Variants in EFNA5 observed in about 807,000 individuals in gnomAD.
EFNA5 encodes the protein ephrin A5.
EFNA5 carries 5 observed loss-of-function variants against 22.9 expected under a neutral mutation model. That is an observed-to-expected ratio of 0.22 (90% CI 0.11 to 0.46). The LOEUF (loss-of-function observed/expected upper bound fraction) is 0.46. EFNA5 is among the 20% of genes least tolerant of loss of function. EFNA5 has a pLI of 0.99. For synonymous variants in EFNA5, 113 were observed against 112.2 expected, an observed-to-expected ratio of 1.01 and a Z score of -0.04; for missense variants, 237 against 293.3, an observed-to-expected ratio of 0.81 and a Z score of 1.40.
At chr5:107,647,519 T>C (rs1015976049) in intron 1 of EFNA5, among the ~76,000 whole-genome samples, 3 of 152,144 alleles carry the variant, frequency 2.0e-5, no homozygotes, top group Non-Finnish European at 4.4e-5. Context: ...TCAAAAAATT[T>C]AAGATTACAG....
At chr5:107,655,810 C>A (rs1160028644) in intron 1 of EFNA5, among the ~76,000 whole-genome samples, 2 of 152,138 alleles carry the variant, frequency 1.3e-5, no homozygotes, top group African/African-American at 4.8e-5. Flanking sequence ...GGTTTCAATG[C>A]ATTAAAATAT....
At chr5:107,593,973 C>G (rs1274057472) in intron 1 of EFNA5, among the ~76,000 whole-genome samples, 1 of 152,186 alleles carries the variant, frequency 6.6e-6, no homozygotes, top group East Asian at 1.9e-4. Flanking sequence ...ACTTGCTTCT[C>G]ATAAAATAGT....
At chr5:107,419,726 G>A (rs997284246) in intron 2 of EFNA5, among the ~76,000 whole-genome samples, 1 of 152,060 alleles carries the variant, frequency 6.6e-6, no homozygotes, top group Non-Finnish European at 1.5e-5. Flanking sequence ...ACTAGAGGAG[G>A]TGCACCAGTA....
At chr5:107,472,505 C>A (rs2112387371) in intron 1 of EFNA5, among the ~76,000 whole-genome samples, 1 of 152,308 alleles carries the variant, frequency 6.6e-6, no homozygotes, top group South Asian at 2.1e-4. Flanking sequence ...TCTTACACTC[C>A]TGGCTGCAAA....
At chr5:107,580,721 CA>C (rs56868732) in intron 1 of EFNA5, among the ~76,000 whole-genome samples, 3,909 of 83,610 alleles carry the variant, frequency 0.047, 65 homozygotes, top group African/African-American at 0.097. Flanking sequence ...GACTCCATCT[CA>C]AAAAAAAAAA....
chr5:107,670,064 G>A (rs765013195), intron 1 of EFNA5, among the ~76,000 whole-genome samples: 2 of 146,664 alleles, frequency 1.4e-5, no homozygotes, highest in Non-Finnish European at 3.0e-5. Flanking sequence ...AACTTTGGGG[G>A]ATGTTTGGCG....
intron 1 of EFNA5, among the ~76,000 whole-genome samples, chr5:107,523,130 A>G (rs1747629038): frequency 6.6e-6 from 1 of 152,182 alleles, no homozygotes. Flanking sequence ...GCCAATCTTC[A>G]CACAGACCAG....
At chr5:107,558,637 T>C (rs1164292382) in intron 1 of EFNA5, among the ~76,000 whole-genome samples, 3 of 152,226 alleles carry the variant, frequency 2.0e-5, no homozygotes, top group South Asian at 2.1e-4. Flanking sequence ...TTGCTCTTTG[T>C]CCATATTAAG....
At chr5:107,484,588 T>C (rs530258658) in intron 1 of EFNA5, among the ~76,000 whole-genome samples, 8 of 152,310 alleles carry the variant, frequency 5.3e-5, no homozygotes, top group South Asian at 2.1e-4. Context: ...AACTGTATAA[T>C]TGCCCAAGAT....
chr5:107,581,713 G>A (rs758796515), intron 1 of EFNA5, among the ~76,000 whole-genome samples: 1 of 152,176 alleles, frequency 6.6e-6, no homozygotes, highest in Non-Finnish European at 1.5e-5. Flanking sequence ...TTGTACAGCT[G>A]CCTGCTTAGT....
At chr5:107,450,026 A>T (rs543910398) in intron 1 of EFNA5, among the ~76,000 whole-genome samples, 51 of 152,326 alleles carry the variant, frequency 3.3e-4, no homozygotes, top group African/African-American at 1.2e-3. Flanking sequence ...ATAGACTTGC[A>T]CATCTCAAAG....
chr5:107,479,924 A>G (rs1750411771), intron 1 of EFNA5, among the ~76,000 whole-genome samples: 1 of 152,176 alleles, frequency 6.6e-6, no homozygotes, highest in African/African-American at 2.4e-5. Flanking sequence ...TTAAAAAACT[A>G]AAAAAGGAAA....
intron 1 of EFNA5, among the ~76,000 whole-genome samples, chr5:107,515,720 G>A (rs1274375083): frequency 1.3e-5 from 2 of 152,078 alleles, no homozygotes; most frequent in Non-Finnish European, 2.9e-5. Flanking sequence ...CTTAAGGCCT[G>A]GACTCCACAA....
intron 1 of EFNA5, among the ~76,000 whole-genome samples, chr5:107,633,517 C>T (rs1750304270): frequency 6.6e-6 from 1 of 152,234 alleles, no homozygotes; most frequent in Non-Finnish European, 1.5e-5. Context: ...CACATTACTT[C>T]CGCTTTTCTA....
intron 1 of EFNA5, among the ~76,000 whole-genome samples, chr5:107,588,361 T>C (rs548546193): frequency 6.6e-6 from 1 of 152,124 alleles, no homozygotes; most frequent in Non-Finnish European, 1.5e-5. Flanking sequence ...GAGGATCTTC[T>C]CATGATTTTT....
intron 1 of EFNA5, among the ~76,000 whole-genome samples, chr5:107,472,394 T>C (rs984550443): frequency 7.2e-5 from 11 of 152,308 alleles, no homozygotes; most frequent in African/African-American, 2.6e-4. Flanking sequence ...GTATTAGTGA[T>C]GATAAAAATT....
intron 1 of EFNA5, among the ~76,000 whole-genome samples, chr5:107,498,368 T>G (rs1275679013): frequency 2.0e-5 from 3 of 152,234 alleles, no homozygotes; most frequent in Non-Finnish European, 4.4e-5. Context: ...ACTACACAAC[T>G]AACTCAACTG....
At chr5:107,660,261 C>CATATATATATATAA (rs1163908363) in intron 1 of EFNA5, among the ~76,000 whole-genome samples, 17 of 52,452 alleles carry the variant, frequency 3.2e-4, no homozygotes, top group Non-Finnish European at 5.1e-4. Flanking sequence ...ATGGCAAAAA[C>CATATATATATATAA]ATATATATAT....
rs150414504 is a variant in EFNA5, at chr5:107,668,421, C to G, written c.125+2068G>C. Among the ~76,000 whole-genome samples the G allele has an allele frequency of 3.4e-3, 520 of 152,184 alleles. 6 individuals are homozygous for G. Among genetic ancestry groups the G allele is most frequent in the African/African-American group, 0.012 (492 of 41,498 alleles). On this transcript the variant is annotated intron_variant, in intron 1 of 4. Transcript: ENST00000333274. ...AAACCAAACAACAGTATCAAAAGCACAAAACAGAGATAACCTAAGATAAAA... is the reference window on the plus strand; with the variant it reads ...AAACCAAACAACAGTATCAAAAGCAGAAAACAGAGATAACCTAAGATAAAA...
Sources: gnomAD v4.1 joint callset for allele counts (sites outside exome capture counted in the v4.1 genomes callset) on GRCh38, gnomAD v4.1.1 for gene constraint, MANE v1.5 for transcripts, NCBI Gene and HGNC (gene_info 2026-07-23, HGNC 2026-07-21) for gene names.